Variants in DDX50 observed in about 807,000 individuals in gnomAD.
DDX50 encodes the protein ATP-dependent RNA helicase DDX50.
In DDX50, 56 loss-of-function variants were observed where a neutral mutation model predicts 94.8. That is an observed-to-expected ratio of 0.59 (90% CI 0.48 to 0.74). The LOEUF (loss-of-function observed/expected upper bound fraction) is 0.74, where lower values mean the gene tolerates loss of function less well. Ranked by LOEUF, DDX50 falls within the 30% of genes least tolerant of loss-of-function variation. The pLI is 0.00. For missense variants in DDX50, 713 were observed against 881.2 expected (o/e 0.81, Z 2.42); for synonymous variants, 264 against 295.4 (o/e 0.89, Z 1.09).
intron 1 of DDX50, among the ~76,000 whole-genome samples, chr10:68,903,799 TA>T (rs920922641): frequency 9.8e-5 from 14 of 143,576 alleles, no homozygotes; most frequent in East Asian, 4.1e-4. Flanking sequence ...AGACTCCATT[TA>T]AAAAAAAAAC....
intron 7 of DDX50, among the ~76,000 whole-genome samples, chr10:68,915,450 G>A (rs1044897127): frequency 2.0e-5 from 3 of 151,282 alleles, no homozygotes; most frequent in African/African-American, 7.3e-5. Flanking sequence ...GGGTGCGGTG[G>A]CTCACGCCTG....
At chr10:68,933,473 T>C (rs1196085277) in intron 8 of DDX50, among the ~76,000 whole-genome samples, 1 of 152,146 alleles carries the variant, frequency 6.6e-6, no homozygotes, top group African/African-American at 2.4e-5. Context: ...GAATAAATTA[T>C]ATACAGTTTA....
rs1841712849 is a variant in DDX50, at chr10:68,914,042, C to A, written c.944-17C>A. The A allele has an allele frequency of 3.2e-6, 5 of 1,559,798 alleles. No homozygotes were observed. Among genetic ancestry groups the A allele is most frequent in the South Asian group, 1.2e-5 (1 of 82,150 alleles). ...GGGAAATTAAGAAAACATTTGAATT[C>A]TTTTTGTTTATTTAAGATTCTGAAG... On this transcript the variant is annotated splice_polypyrimidine_tract_variant and intron_variant, in intron 6 of 14. Coordinates refer to ENST00000373585, the MANE Select transcript of DDX50 (RefSeq NM_024045.2).
At chr10:68,916,078 G>A (rs773147920) in intron 7 of DDX50, among the ~76,000 whole-genome samples, 4 of 152,132 alleles carry the variant, frequency 2.6e-5, no homozygotes, top group Non-Finnish European at 5.9e-5. Flanking sequence ...TTTGTGGGCC[G>A]GGCGTGGTAG....
chr10:68,915,226 A>G (rs1339308869), intron 7 of DDX50, among the ~76,000 whole-genome samples: 1 of 151,370 alleles, frequency 6.6e-6, no homozygotes, highest in Non-Finnish European at 1.5e-5. Flanking sequence ...ATCCTGGCTA[A>G]CACGGTGAAA....
At chr10:68,909,280 A>G (rs1841557851) in intron 2 of DDX50, among the ~76,000 whole-genome samples, 1 of 152,250 alleles carries the variant, frequency 6.6e-6, no homozygotes, top group African/African-American at 2.4e-5. Flanking sequence ...CACATGAACA[A>G]TAAAGCTTAC....
Position 68,906,720 on chromosome 10 carries a change from A to G in DDX50, c.97A>G (p.Arg33Gly). 2 of 1,607,530 alleles carry G rather than the reference A, an allele frequency of 1.2e-6. No individual in the cohort carries two copies. Among genetic ancestry groups the G allele is most frequent in the East Asian group, 2.2e-5 (1 of 44,846 alleles). The change falls in exon 2 of 15, where the codon AGG (arginine) becomes GGG (glycine). Residue 33 changes from arginine to glycine, a missense_variant. This residue lies in a region of DDX50 where 285 missense variants were observed against 278.9 expected (regional missense o/e 1.02). Transcript: ENST00000373585. The stretch of plus-strand genomic sequence containing the variant: ...CTTTGTTTGTTCACAGAGTGACAGA[A>G]GGAAGTCAAGGCACCATTATGACTC... ...QKKERQKSDR[R>G]KSRHHYDSDE... is the part of the protein sequence containing the mutation.
Position 68,934,429 on chromosome 10 carries a change from A to G in DDX50, c.1401+69A>G. Reference sequence around the variant, plus strand: ...TAAATTCCCATTTAATTTACAACATATTGCTTGGGATGTGAAAAATATGTC... The same window carrying G: ...TAAATTCCCATTTAATTTACAACATGTTGCTTGGGATGTGAAAAATATGTC... On this transcript the variant is annotated intron_variant, in intron 9 of 14. Coordinates refer to ENST00000373585, the MANE Select transcript of DDX50 (RefSeq NM_024045.2). This position sits in a 1 kb window ranked among gnomAD's most constrained non-coding sequence, Gnocchi z 4.0. 1 of 1,585,484 alleles carries G rather than the reference A, an allele frequency of 6.3e-7. No individual in the cohort carries two copies. The highest frequency in any genetic ancestry group is 8.6e-7 in the Non-Finnish European group (1 of 1,168,050).
intron 7 of DDX50, among the ~76,000 whole-genome samples, chr10:68,916,835 C>T (rs1301436112): frequency 6.6e-6 from 1 of 152,152 alleles, no homozygotes; most frequent in Non-Finnish European, 1.5e-5. Context: ...CAGGCGCCCA[C>T]CACCACACCT....
At chr10:68,909,201 C>A (rs1187936582) in intron 2 of DDX50, among the ~76,000 whole-genome samples, 1 of 152,064 alleles carries the variant, frequency 6.6e-6, no homozygotes. Context: ...AAATGGCATG[C>A]CATTTGAATT....
At chr10:68,902,249 CA>C (rs1457637723) in intron 1 of DDX50, among the ~76,000 whole-genome samples, 1 of 143,314 alleles carries the variant, frequency 7.0e-6, no homozygotes, top group Non-Finnish European at 1.5e-5. Context: ...CAGAGGATCA[CA>C]AGGTGCTGAA....
At chr10:68,939,261 C>T (rs190398283) in intron 12 of DDX50, among the ~76,000 whole-genome samples, 1 of 152,144 alleles carries the variant, frequency 6.6e-6, no homozygotes, top group Non-Finnish European at 1.5e-5. Context: ...CCCTAGTAAC[C>T]CACCAAATGC....
In DDX50 at chr10:68,936,183, C is replaced by T; in HGVS notation, c.1595+104C>T. The stretch of plus-strand genomic sequence containing the variant: ...CAGAAAATTTTACCACCAGTTTTAC[C>T]AGCAGACATTTAGTTATATTAAAAT... On this transcript the variant is annotated intron_variant, in intron 11 of 14. Coordinates refer to ENST00000373585, the MANE Select transcript of DDX50 (RefSeq NM_024045.2). The T allele has an allele frequency of 4.8e-6, 4 of 841,314 alleles. No homozygotes were observed. The South Asian group carries it at 6.8e-5, about 14-fold the overall frequency. The allele number at this position is 841,314 out of a possible 1,614,324, so 52.1% of individuals were successfully genotyped here.
intron 8 of DDX50, among the ~76,000 whole-genome samples, chr10:68,929,269 C>CT (rs1413605150): frequency 1.3e-5 from 1 of 77,230 alleles, no homozygotes; most frequent in Non-Finnish European, 3.1e-5. Flanking sequence ...TCCTTCCTTC[C>CT]TTCCTTCCTT....
chr10:68,923,354 G>A (rs927527563), intron 8 of DDX50, among the ~76,000 whole-genome samples: 11 of 149,878 alleles, frequency 7.3e-5, no homozygotes, highest in Non-Finnish European at 1.3e-4. Context: ...GAAACCACAG[G>A]TGCATGCTAC....
rs1842352078 is a variant in DDX50, at chr10:68,934,353, C to T, written c.1394C>T (p.Pro465Leu). Residue 465 changes from proline (P) to leucine (L), a missense_variant, in exon 9 of 15, where the codon CCT (proline) becomes CTT (leucine). By Grantham distance (98) the Pro-to-Leu change is moderately conservative. Around this residue, in one of 2 missense-constraint regions of DDX50, gnomAD observed 428 missense variants for 602.3 expected, o/e 0.71. Transcript: ENST00000373585. This position sits in a 1 kb window ranked among gnomAD's most constrained non-coding sequence, Gnocchi z 4.0. ...GTTGACCTGGTGATTCAAAGTTCTC[C>T]TCCTCAGGTAGGAAATGGGATTTGA... The part of the protein sequence containing the change: ...PEVDLVIQSS[P>L]PQDVESYIHR... 1 of 1,613,502 alleles carries T rather than the reference C, an allele frequency of 6.2e-7. No homozygotes were observed. The highest frequency in any genetic ancestry group is 8.5e-7 in the Non-Finnish European group (1 of 1,179,812).
At chr10:68,931,411 GTATA>G (rs71031810) in intron 8 of DDX50, among the ~76,000 whole-genome samples, 3 of 69,228 alleles carry the variant, frequency 4.3e-5, no homozygotes, top group African/African-American at 1.3e-4. Flanking sequence ...ATATATATAT[GTATA>G]TATATATATA....
intron 13 of DDX50, among the ~76,000 whole-genome samples, chr10:68,942,621 C>CTTTTTTT (rs11400853): frequency 6.7e-6 from 1 of 148,766 alleles, no homozygotes. Flanking sequence ...CAGCTTTTTT[C>CTTTTTTT]TTTTTTTTTT....
At chr10:68,903,810 C>A (rs548876811) in intron 1 of DDX50, among the ~76,000 whole-genome samples, 57 of 145,952 alleles carry the variant, frequency 3.9e-4, no homozygotes, top group South Asian at 3.7e-3. Flanking sequence ...AAAAAAAAAA[C>A]CCAAAAAACC....
Sources: allele counts gnomAD v4.1 joint callset (sites outside exome capture counted in the v4.1 genomes callset), GRCh38; gene constraint gnomAD v4.1.1; regional missense constraint gnomAD v4.1.1; non-coding constraint Gnocchi (gnomAD v3.1); transcripts MANE v1.5; gene names NCBI Gene and HGNC (gene_info 2026-07-23, HGNC 2026-07-21).